Variants in NMNAT3 observed in about 807,000 individuals in gnomAD.
The protein encoded by NMNAT3 is nicotinamide nucleotide adenylyltransferase 3, also known as nicotinamide/nicotinic acid mononucleotide adenylyltransferase 3.
NMNAT3 carries 21 observed loss-of-function variants against 24.8 expected under a neutral mutation model. That is an observed-to-expected ratio of 0.85 (90% confidence interval 0.60 to 1.22). The LOEUF is 1.22. NMNAT3 is among the 50% of genes most tolerant of loss of function. The pLI is 0.00. For missense variants in NMNAT3, 387 were observed against 436.6 expected (o/e 0.89, Z 1.01); for synonymous variants, 136 against 155.2 (o/e 0.88, Z 0.92).
intron 1 of NMNAT3, among the ~76,000 whole-genome samples, chr3:139,664,555 C>G (rs1455948850): frequency 6.6e-6 from 1 of 152,178 alleles, no homozygotes; most frequent in Non-Finnish European, 1.5e-5. Context: ...AAGAATGAAG[C>G]CAACTCAGTG....
At chr3:139,572,628 C>T (rs1938578006) in intron 6 of NMNAT3, among the ~76,000 whole-genome samples, 1 of 152,140 alleles carries the variant, frequency 6.6e-6, no homozygotes, top group Non-Finnish European at 1.5e-5. Context: ...CCTTTAGGGC[C>T]TGGTAGCATT....
chr3:139,646,557 C>T (rs1323453797), intron 1 of NMNAT3, among the ~76,000 whole-genome samples: 1 of 152,166 alleles, frequency 6.6e-6, no homozygotes, highest in Non-Finnish European at 1.5e-5. Flanking sequence ...GAAGTATGTT[C>T]TCTACCTGCC....
In NMNAT3 at chr3:139,623,314, C is replaced by T. The variant is rs556024809; in HGVS notation, c.109+4302G>A. On this transcript the variant is annotated intron_variant, in intron 3 of 6. Coordinates refer to ENST00000643695, the MANE Select transcript of NMNAT3 (RefSeq NM_001320510.2). ...CATCAATATCACCATCTTCTACTTC[C>T]ACATCTTGTCCCACTAGAAGGTCTG... Among the ~76,000 whole-genome samples, 35 of 152,242 alleles carry T rather than the reference C, an allele frequency of 2.3e-4. No individual in the cohort carries two copies. In the East Asian group the frequency reaches 6.6e-3, roughly 29 times the overall value.
chr3:139,571,699 G>A (rs1209782261), intron 6 of NMNAT3, among the ~76,000 whole-genome samples: 1 of 152,148 alleles, frequency 6.6e-6, no homozygotes, highest in Non-Finnish European at 1.5e-5. Context: ...ATTAATGAGA[G>A]CAGCTGGGGC....
At chr3:139,610,644 A>T (rs937085669) in intron 3 of NMNAT3, among the ~76,000 whole-genome samples, 1 of 152,214 alleles carries the variant, frequency 6.6e-6, no homozygotes, top group African/African-American at 2.4e-5. Context: ...TTAAAGCAAC[A>T]TGCTGAGCTT....
intron 3 of NMNAT3, among the ~76,000 whole-genome samples, chr3:139,625,458 C>G (rs111719001): frequency 7.2e-5 from 11 of 152,066 alleles, no homozygotes; most frequent in African/African-American, 2.7e-4. Context: ...ATTTTACTTC[C>G]TCTGTATGCT....
At chr3:139,597,792 G>T (rs541730448) in intron 3 of NMNAT3, among the ~76,000 whole-genome samples, 1 of 152,258 alleles carries the variant, frequency 6.6e-6, no homozygotes, top group Non-Finnish European at 1.5e-5. Flanking sequence ...GAAACTTAAA[G>T]CTTGCTTGCT....
At chr3:139,591,398 G>A (rs1013161485) in intron 3 of NMNAT3, among the ~76,000 whole-genome samples, 1 of 152,146 alleles carries the variant, frequency 6.6e-6, no homozygotes. Context: ...GGGAAGGGGC[G>A]CCCGCCATTG....
intron 3 of NMNAT3, among the ~76,000 whole-genome samples, chr3:139,624,845 C>T (rs1324680949): frequency 1.3e-5 from 2 of 152,148 alleles, no homozygotes; most frequent in African/African-American, 4.8e-5. Flanking sequence ...ATGCAGTGGT[C>T]TATAAATGTC....
chr3:139,642,094 C>T (rs1199485603), intron 1 of NMNAT3, among the ~76,000 whole-genome samples: 2 of 152,228 alleles, frequency 1.3e-5, no homozygotes, highest in African/African-American at 4.8e-5. Context: ...CCCCTGGACA[C>T]TGTGGTGTAG....
At chr3:139,665,252 C>T (rs73869369) in intron 1 of NMNAT3, among the ~76,000 whole-genome samples, 2,787 of 152,254 alleles carry the variant, frequency 0.018, 82 homozygotes, top group African/African-American at 0.063. Context: ...AGAAACCACA[C>T]AGGCCTTAAG....
At chr3:139,663,229 T>A (rs541375213) in intron 1 of NMNAT3, among the ~76,000 whole-genome samples, 1 of 152,300 alleles carries the variant, frequency 6.6e-6, no homozygotes, top group South Asian at 2.1e-4. Flanking sequence ...GTCCAGTTTT[T>A]CTCATGCTAC....
chr3:139,562,315 A>T (rs932206173), intron 6 of NMNAT3, among the ~76,000 whole-genome samples: 1 of 152,170 alleles, frequency 6.6e-6, no homozygotes, highest in Non-Finnish European at 1.5e-5. Flanking sequence ...CTGTACCTGC[A>T]TTATACTGGA....
In NMNAT3 at chr3:139,677,112, C is replaced by T. The variant is rs1172607713; in HGVS notation, c.-141+593G>A. 2.0e-5 allele frequency among the ~76,000 whole-genome samples: 3 copies of T among 152,332 alleles called. No homozygotes were observed. The East Asian group carries it at 5.8e-4, about 29-fold the overall frequency. On this transcript the variant is annotated intron_variant, in intron 1 of 6. Transcript: ENST00000643695. The stretch of plus-strand genomic sequence containing the variant: ...AATGAGTTTGCTCTGTTGTTCCCCG[C>T]CCGGGAATTCTCTAAAGTTTTAGTT...
At chr3:139,671,618 T>TCTCA (rs1553765861) in intron 1 of NMNAT3, among the ~76,000 whole-genome samples, 40 of 150,564 alleles carry the variant, frequency 2.7e-4, no homozygotes, top group East Asian at 5.9e-4. Context: ...TCTCTCTCTC[T>TCTCA]CACACACACA....
At chr3:139,565,223 G>A (rs979442226) in intron 6 of NMNAT3, among the ~76,000 whole-genome samples, 19 of 152,192 alleles carry the variant, frequency 1.2e-4, no homozygotes, top group African/African-American at 4.6e-4. Flanking sequence ...ACATCTTTCT[G>A]CATAAATCTT....
chr3:139,586,808 G>C (rs933689152), intron 3 of NMNAT3, among the ~76,000 whole-genome samples: 10 of 152,178 alleles, frequency 6.6e-5, no homozygotes, highest in African/African-American at 2.4e-4. Flanking sequence ...AAAAAGAAAA[G>C]AAAGTGAAAA....
intron 2 of NMNAT3, among the ~76,000 whole-genome samples, chr3:139,629,607 G>C (rs2056206390): frequency 2.0e-5 from 3 of 152,156 alleles, no homozygotes; most frequent in South Asian, 2.1e-4. Context: ...TGCAGTTCTG[G>C]GGGCAACATG....
intron 3 of NMNAT3, among the ~76,000 whole-genome samples, chr3:139,618,280 G>GT (rs1472661285): frequency 6.6e-6 from 1 of 152,160 alleles, no homozygotes; most frequent in Non-Finnish European, 1.5e-5. Flanking sequence ...ATCTACAGAC[G>GT]TAAGTTCCTT....
Sources: gnomAD v4.1 joint callset for allele counts (sites outside exome capture counted in the v4.1 genomes callset) on GRCh38, gnomAD v4.1.1 for gene constraint, MANE v1.5 for transcripts, NCBI Gene and HGNC (gene_info 2026-07-23, HGNC 2026-07-21) for gene names.